Variants in MAGI3 observed in about 807,000 individuals in gnomAD.
The protein encoded by MAGI3 is membrane-associated guanylate kinase, WW and PDZ domain-containing protein 3.
A neutral mutation model predicts 121.8 loss-of-function variants in MAGI3; 43 were observed. That is an observed-to-expected ratio of 0.35 (90% CI 0.28 to 0.46). The LOEUF (loss-of-function observed/expected upper bound fraction) is 0.46, where lower values mean the gene tolerates loss of function less well. Ranked by LOEUF, MAGI3 falls within the 20% of genes least tolerant of loss-of-function variation. The probability of loss-of-function intolerance (pLI) is 1.00; values close to 1 mark genes in which losing one functional copy is unlikely to be tolerated. For missense variants in MAGI3, 1,547 were observed against 1,797.3 expected (o/e 0.86, Z 2.52); for synonymous variants, 553 against 639.3 (o/e 0.86, Z 2.04).
chr1:113,419,587 A>T (rs1262969203), intron 1 of MAGI3, among the ~76,000 whole-genome samples: 1 of 152,110 alleles, frequency 6.6e-6, no homozygotes, highest in African/African-American at 2.4e-5. Flanking sequence ...GAGGAAGAGA[A>T]AGCATGGAGT....
intron 9 of MAGI3, among the ~76,000 whole-genome samples, chr1:113,633,301 G>T (rs1403046987): frequency 9.5e-6 from 1 of 105,434 alleles, no homozygotes; most frequent in Non-Finnish European, 1.7e-5. Flanking sequence ...TCGCTCTGTC[G>T]CCCAGGCTGG....
intron 12 of MAGI3, among the ~76,000 whole-genome samples, chr1:113,648,948 T>C (rs1231139227): frequency 2.0e-5 from 3 of 152,176 alleles, no homozygotes; most frequent in Admixed American, 6.5e-5. Context: ...AACATTGTTA[T>C]ATTGATTGGA....
At chr1:113,652,980 G>A (rs1450758440) in intron 14 of MAGI3, among the ~76,000 whole-genome samples, 1 of 152,198 alleles carries the variant, frequency 6.6e-6, no homozygotes, top group Non-Finnish European at 1.5e-5. Context: ...AAGTTGAGGG[G>A]TGGAGGTTGG....
chr1:113,510,180 T>TA (rs1657544856), intron 1 of MAGI3, among the ~76,000 whole-genome samples: 1 of 152,204 alleles, frequency 6.6e-6, no homozygotes, highest in South Asian at 2.1e-4. Flanking sequence ...TAAGTATTTT[T>TA]AAAAATCAAA....
Position 113,397,477 on chromosome 1 carries a change from A to G in MAGI3, c.316+6128A>G, listed in dbSNP as rs938698181. The stretch of plus-strand genomic sequence containing the variant: ...AGGTAAGAAGCAGAGGAGGAGAAAA[A>G]CACAGGGCAAAAACGTTCCATACAG... On this transcript the variant is annotated intron_variant, in intron 1 of 20. Transcript: ENST00000307546. Among the ~76,000 whole-genome samples the G allele has an allele frequency of 2.6e-5, 4 of 152,130 alleles. No homozygotes were observed. In the East Asian group the frequency reaches 7.7e-4, roughly 29 times the overall value.
intron 1 of MAGI3, among the ~76,000 whole-genome samples, chr1:113,455,182 T>C (rs981027841): frequency 6.6e-5 from 10 of 151,958 alleles, no homozygotes; most frequent in African/African-American, 2.4e-4. Context: ...CCCAATAATA[T>C]ATGAGTACCT....
chr1:113,584,967 C>CTTTTTTTTT (rs58296325), intron 3 of MAGI3, among the ~76,000 whole-genome samples: 1 of 135,724 alleles, frequency 7.4e-6, no homozygotes, highest in Non-Finnish European at 1.5e-5. Context: ...TAGATATTTC[C>CTTTTTTTTT]TTTTTTTTTT....
intron 9 of MAGI3, among the ~76,000 whole-genome samples, chr1:113,637,523 ATAATTCTTTTCTT>A (rs1241006071): frequency 6.6e-6 from 1 of 152,220 alleles, no homozygotes; most frequent in Non-Finnish European, 1.5e-5. Flanking sequence ...TTCTGGGTTG[ATAATTCTTTTCTT>A]TAAGAATGTT....
intron 19 of MAGI3, among the ~76,000 whole-genome samples, chr1:113,678,519 A>G (rs935057933): frequency 6.6e-6 from 1 of 152,202 alleles, no homozygotes; most frequent in African/African-American, 2.4e-5. Context: ...GTTCAAGAGT[A>G]AGCCTCCCTT....
At chr1:113,538,639 T>C (rs1482572386) in intron 1 of MAGI3, among the ~76,000 whole-genome samples, 2 of 152,222 alleles carry the variant, frequency 1.3e-5, no homozygotes, top group Admixed American at 1.3e-4. Context: ...TTCTACTCTG[T>C]TCTGCTAGGA....
intron 1 of MAGI3, among the ~76,000 whole-genome samples, chr1:113,411,089 G>C (rs1005851996): frequency 1.3e-5 from 2 of 152,112 alleles, no homozygotes; most frequent in Non-Finnish European, 2.9e-5. Flanking sequence ...TCAGTCTTAA[G>C]TTTGAGTTGG....
At chr1:113,441,300 T>C (rs17507490) in intron 1 of MAGI3, among the ~76,000 whole-genome samples, 82,821 of 151,936 alleles carry the variant, frequency 0.55, 23,884 homozygotes, top group African/African-American at 0.72. Flanking sequence ...TCCACAATTA[T>C]TAGATCTCCT....
intron 1 of MAGI3, among the ~76,000 whole-genome samples, chr1:113,541,445 G>C (rs1174248987): frequency 6.6e-6 from 1 of 152,164 alleles, no homozygotes; most frequent in Non-Finnish European, 1.5e-5. Flanking sequence ...AAACTGACTA[G>C]TTTTAAAAAT....
chr1:113,672,444 G>C (rs905434099), intron 17 of MAGI3, among the ~76,000 whole-genome samples, 171 bp from the exon 18 acceptor site: 1 of 81,572 alleles, frequency 1.2e-5, no homozygotes, highest in Admixed American at 1.6e-4. Context: ...TTAATGACCA[G>C]GTTTCTCCTA....
chr1:113,493,313 G>C (rs1656754714), intron 1 of MAGI3, among the ~76,000 whole-genome samples: 1 of 152,134 alleles, frequency 6.6e-6, no homozygotes, highest in Non-Finnish European at 1.5e-5. Context: ...GTTAATAAAT[G>C]GTGCTAGATA....
intron 1 of MAGI3, among the ~76,000 whole-genome samples, chr1:113,480,999 C>T (rs1015839358): frequency 6.6e-6 from 1 of 152,200 alleles, no homozygotes; most frequent in African/African-American, 2.4e-5. Flanking sequence ...CAATATACTA[C>T]TATTTAATAA....
intron 12 of MAGI3, among the ~76,000 whole-genome samples, chr1:113,647,223 C>T (rs189671179): frequency 6.6e-5 from 10 of 152,262 alleles, no homozygotes; most frequent in South Asian, 2.1e-4. Context: ...AGTTCACTTT[C>T]GCTGGGTGCA....
intron 3 of MAGI3, among the ~76,000 whole-genome samples, chr1:113,583,537 C>T (rs1336246951): frequency 6.6e-6 from 1 of 151,952 alleles, no homozygotes; most frequent in Non-Finnish European, 1.5e-5. Context: ...AGTACTACTA[C>T]CTTACTTAGA....
At chr1:113,661,775 G>GT (rs1377714855) in intron 16 of MAGI3, among the ~76,000 whole-genome samples, 1 of 152,136 alleles carries the variant, frequency 6.6e-6, no homozygotes, top group Non-Finnish European at 1.5e-5. Context: ...TATACTTAAA[G>GT]TATATTTCAT....
Sources: allele counts gnomAD v4.1 joint callset (sites outside exome capture counted in the v4.1 genomes callset), GRCh38; gene constraint gnomAD v4.1.1; transcripts MANE v1.5; gene names NCBI Gene and HGNC (gene_info 2026-07-23, HGNC 2026-07-21).